METTL16: variants seen among roughly 807,000 people sequenced by gnomAD.
METTL16 encodes RNA N(6)-adenosine-methyltransferase METTL16.
METTL16 carries 19 observed loss-of-function variants against 57.9 expected under a neutral mutation model. That is an observed-to-expected ratio of 0.33 (90% CI 0.23 to 0.48). The LOEUF (loss-of-function observed/expected upper bound fraction) is 0.48, where lower values mean the gene tolerates loss of function less well. Among genes scored for constraint, METTL16 ranks in the 20% least tolerant of loss-of-function variants. The probability of loss-of-function intolerance (pLI) is 0.99; values close to 1 mark genes in which losing one functional copy is unlikely to be tolerated. For synonymous variants in METTL16, 246 were observed against 255.6 expected (o/e 0.96, Z 0.36); for missense variants, 434 against 691.5 (o/e 0.63, Z 4.18).
intron 4 of METTL16, among the ~76,000 whole-genome samples, chr17:2,469,186 G>A (rs186548757): frequency 6.6e-6 from 1 of 152,154 alleles, no homozygotes; most frequent in East Asian, 1.9e-4. Flanking sequence ...GCAGTGAGCA[G>A]CAGATTGTGC....
intron 7 of METTL16, among the ~76,000 whole-genome samples, chr17:2,440,495 C>A (rs973427261): frequency 6.6e-6 from 1 of 152,040 alleles, no homozygotes; most frequent in Admixed American, 6.5e-5. Flanking sequence ...GATCCGCCCA[C>A]ATCGGCCTGC....
intron 2 of METTL16, among the ~76,000 whole-genome samples, chr17:2,483,288 A>T (rs1230431320): frequency 6.6e-6 from 1 of 152,208 alleles, no homozygotes; most frequent in Admixed American, 6.5e-5. Flanking sequence ...TTGGATCAAA[A>T]GGATTAAATG....
chr17:2,488,649 T>C (rs2067361374), intron 2 of METTL16, among the ~76,000 whole-genome samples: 1 of 152,156 alleles, frequency 6.6e-6, no homozygotes, highest in East Asian at 1.9e-4. Context: ...GATATCAAGC[T>C]AAGTGAAATA....
At chr17:2,509,484 C>T (rs1567910366) in intron 1 of METTL16, among the ~76,000 whole-genome samples, 1 of 152,106 alleles carries the variant, frequency 6.6e-6, no homozygotes, top group Admixed American at 6.6e-5. Flanking sequence ...ACTAGGGATG[C>T]CAAGGATAGC....
rs577348429 is a variant in METTL16 at position 2,492,017 on chromosome 17, C to T, written c.128+10187G>A. Among the ~76,000 whole-genome samples, 4 of 151,604 alleles carry T rather than the reference C, an allele frequency of 2.6e-5. No individual in the cohort carries two copies. In the South Asian group the frequency reaches 8.4e-4, roughly 32 times the overall value. On this transcript the variant is annotated intron_variant, in intron 2 of 9. Coordinates refer to ENST00000263092, the MANE Select transcript of METTL16 (RefSeq NM_024086.4). Reference sequence around the variant, plus strand: ...ACGAGGTCAGGAGATCGAGACCATCCTGGCTAACACGGTGAAACCCTGTCT... The same window carrying T: ...ACGAGGTCAGGAGATCGAGACCATCTTGGCTAACACGGTGAAACCCTGTCT...
At chr17:2,494,153 C>T (rs2067423233) in intron 2 of METTL16, among the ~76,000 whole-genome samples, 1 of 152,128 alleles carries the variant, frequency 6.6e-6, no homozygotes, top group Admixed American at 6.5e-5. Flanking sequence ...TCAAGTGATC[C>T]TCATGCCTCA....
At chr17:2,491,676 C>A (rs541833697) in intron 2 of METTL16, among the ~76,000 whole-genome samples, 1 of 151,374 alleles carries the variant, frequency 6.6e-6, no homozygotes, top group African/African-American at 2.4e-5. Flanking sequence ...GAGATGGAGA[C>A]CATCCTGGCT....
chr17:2,498,000 G>A (rs935733326), intron 2 of METTL16, among the ~76,000 whole-genome samples: 4 of 151,396 alleles, frequency 2.6e-5, no homozygotes, highest in Admixed American at 1.3e-4. Context: ...CGAGACCATC[G>A]TGGCTAACAC....
At chr17:2,429,600 G>A (rs777710292) in intron 8 of METTL16, among the ~76,000 whole-genome samples, 1 of 151,416 alleles carries the variant, frequency 6.6e-6, no homozygotes, top group South Asian at 2.1e-4. Flanking sequence ...ATGAAGGGAC[G>A]AATAGAATTG....
At position 2,507,569 on chromosome 17, in the gene METTL16, G is replaced by A. The variant is rs1357789555; in HGVS notation, c.-1+4190C>T. Among the ~76,000 whole-genome samples the A allele has an allele frequency of 5.3e-5, 8 of 151,430 alleles. No individual in the cohort carries two copies. The South Asian group carries it at 8.3e-4, about 16-fold the overall frequency. ...AGGTGAGGGGCGCCTCTGCCCGGCCGCCCCTACTGGGAAGTGAGGAGCCCC... is the reference window on the plus strand; with the variant it reads ...AGGTGAGGGGCGCCTCTGCCCGGCCACCCCTACTGGGAAGTGAGGAGCCCC... On this transcript the variant is annotated intron_variant, in intron 1 of 9. Coordinates refer to ENST00000263092, the MANE Select transcript of METTL16 (RefSeq NM_024086.4).
intron 2 of METTL16, among the ~76,000 whole-genome samples, chr17:2,482,963 T>A (rs2067317514): frequency 6.7e-6 from 1 of 148,358 alleles, no homozygotes; most frequent in South Asian, 2.1e-4. Context: ...ATAAATAATA[T>A]AATCAAATAA....
chr17:2,429,825 T>TG (rs1437827951), intron 8 of METTL16, among the ~76,000 whole-genome samples: 2 of 152,024 alleles, frequency 1.3e-5, no homozygotes, highest in Non-Finnish European at 2.9e-5. Context: ...CTTTTTTTTT[T>TG]TCTGAGGCGG....
chr17:2,456,067 T>C (rs1375586652), intron 6 of METTL16, among the ~76,000 whole-genome samples: 1 of 152,064 alleles, frequency 6.6e-6, no homozygotes, highest in Non-Finnish European at 1.5e-5. Context: ...TTTTCCTACC[T>C]TAGTATGAAG....
chr17:2,511,380 A>C (rs2067587135), intron 1 of METTL16, among the ~76,000 whole-genome samples: 1 of 151,836 alleles, frequency 6.6e-6, no homozygotes, highest in Non-Finnish European at 1.5e-5. Context: ...TCCCACTTCC[A>C]CACCAATCTA....
intron 2 of METTL16, among the ~76,000 whole-genome samples, chr17:2,493,405 C>A (rs2067416359): frequency 6.7e-6 from 1 of 149,230 alleles, no homozygotes; most frequent in Admixed American, 6.7e-5. Flanking sequence ...TTCTTTAATA[C>A]AACTGACAGA....
In METTL16 at chr17:2,431,548, A is replaced by C. The variant is rs200870513; in HGVS notation, c.888+6561T>G. Reference sequence around the variant, plus strand: ...AAGCTCAGCTCTCATAAATCTTCCTAAAGATATGTTCTCCTGAATGTTACC... The same window carrying C: ...AAGCTCAGCTCTCATAAATCTTCCTCAAGATATGTTCTCCTGAATGTTACC... On this transcript the variant is annotated intron_variant, in intron 8 of 9. Transcript: ENST00000263092. 1.8e-4 allele frequency among the ~76,000 whole-genome samples: 27 copies of C among 152,274 alleles called. No homozygotes were observed. The East Asian group carries it at 5.2e-3, about 29-fold the overall frequency.
intron 8 of METTL16, among the ~76,000 whole-genome samples, chr17:2,432,034 TC>T (rs2066877156): frequency 6.6e-6 from 1 of 152,060 alleles, no homozygotes; most frequent in Non-Finnish European, 1.5e-5. Context: ...ACACTCTGTC[TC>T]CCAGGTTCAC....
At chr17:2,447,676 C>A (rs1245720075) in intron 6 of METTL16, among the ~76,000 whole-genome samples, 6 of 129,206 alleles carry the variant, frequency 4.6e-5, no homozygotes, top group African/African-American at 9.4e-5. Context: ...CCCCTCTGCC[C>A]GGCCAGCCGC....
At chr17:2,429,224 G>A (rs1319034303) in intron 8 of METTL16, among the ~76,000 whole-genome samples, 1 of 118,678 alleles carries the variant, frequency 8.4e-6, no homozygotes, top group African/African-American at 3.4e-5. Context: ...TGGAGATGTA[G>A]TCTCACCCAG....
Sources: allele counts gnomAD v4.1 joint callset (sites outside exome capture counted in the v4.1 genomes callset), GRCh38; gene constraint gnomAD v4.1.1; transcripts MANE v1.5; gene names NCBI Gene and HGNC (gene_info 2026-07-23, HGNC 2026-07-21).